The following CADPS2 variants were observed in gnomAD, a reference collection of about 807,000 sequenced individuals.
CADPS2 encodes calcium-dependent secretion activator 2.
A neutral mutation model predicts 172.5 loss-of-function variants in CADPS2; 93 were observed. The ratio of observed to expected loss-of-function variants is 0.54; its 90% CI spans 0.46 to 0.64. The LOEUF (loss-of-function observed/expected upper bound fraction) is 0.64. CADPS2 is among the 30% of genes least tolerant of loss of function. CADPS2 has a pLI of 0.00. For missense variants in CADPS2, 1,420 were observed against 1,565.9 expected, an observed-to-expected ratio of 0.91 and a Z score of 1.57; for synonymous variants, 546 against 555.2, an observed-to-expected ratio of 0.98 and a Z score of 0.23.
chr7:122,421,719 T>A (rs1345445544), intron 17 of CADPS2, among the ~76,000 whole-genome samples: 2 of 152,206 alleles, frequency 1.3e-5, no homozygotes, highest in East Asian at 3.9e-4. Context: ...CTGGTCAACA[T>A]AAAGAAGATC....
At chr7:122,681,949 A>ATAC (rs1190802932) in intron 2 of CADPS2, among the ~76,000 whole-genome samples, 2 of 151,990 alleles carry the variant, frequency 1.3e-5, no homozygotes, top group Non-Finnish European at 2.9e-5. Flanking sequence ...AAAATAATAC[A>ATAC]TACACATGGT....
chr7:122,541,541 A>G (rs1361933782), intron 8 of CADPS2, among the ~76,000 whole-genome samples: 2 of 145,186 alleles, frequency 1.4e-5, no homozygotes, highest in Non-Finnish European at 3.0e-5. Flanking sequence ...TTCTCTTATA[A>G]TTCCATTTTT....
intron 1 of CADPS2, among the ~76,000 whole-genome samples, chr7:122,806,623 GT>G (rs1798855705): frequency 6.6e-6 from 1 of 152,156 alleles, no homozygotes; most frequent in Non-Finnish European, 1.5e-5. Flanking sequence ...CATTAATGCA[GT>G]CCAGGAAATA....
At chr7:122,541,552 C>A (rs1164591186) in intron 8 of CADPS2, among the ~76,000 whole-genome samples, 1 of 142,120 alleles carries the variant, frequency 7.0e-6, no homozygotes, top group Non-Finnish European at 1.5e-5. Flanking sequence ...TTCCATTTTT[C>A]TGTAATGAAT....
At chr7:122,399,632 G>A (rs565083118) in intron 20 of CADPS2, among the ~76,000 whole-genome samples, 1 of 131,580 alleles carries the variant, frequency 7.6e-6, no homozygotes, top group South Asian at 2.7e-4. Flanking sequence ...GCTATATCAT[G>A]ATCGATAACT....
chr7:122,834,720 C>T (rs562029638), intron 1 of CADPS2, among the ~76,000 whole-genome samples: 159 of 152,284 alleles, frequency 1.0e-3, no homozygotes, highest in Non-Finnish European at 1.6e-3. Context: ...AACTGCAAGG[C>T]GGCAGCGAGG....
At chr7:122,547,580 G>A (rs1587115997) in intron 8 of CADPS2, among the ~76,000 whole-genome samples, 1 of 152,124 alleles carries the variant, frequency 6.6e-6, no homozygotes, top group Non-Finnish European at 1.5e-5. Flanking sequence ...CTAAAAATTG[G>A]GTTTAAAAAT....
At chr7:122,786,400 A>T (rs1452041977) in intron 1 of CADPS2, among the ~76,000 whole-genome samples, 1 of 152,248 alleles carries the variant, frequency 6.6e-6, no homozygotes, top group African/African-American at 2.4e-5. Context: ...TTACAGATAT[A>T]AACAAATACA....
chr7:122,764,223 G>A (rs17144817), intron 1 of CADPS2, among the ~76,000 whole-genome samples: 29,420 of 151,786 alleles, frequency 0.19, 2,971 homozygotes, highest in Middle Eastern at 0.3. Flanking sequence ...ACCCTCTTAC[G>A]TGTTCCTACA....
chr7:122,775,136 C>A (rs2093835968), intron 1 of CADPS2, among the ~76,000 whole-genome samples: 1 of 152,114 alleles, frequency 6.6e-6, no homozygotes, highest in Admixed American at 6.6e-5. Flanking sequence ...ATTCTGGGTA[C>A]ACCGTGTCTT....
At chr7:122,810,875 T>A (rs908175399) in intron 1 of CADPS2, among the ~76,000 whole-genome samples, 1 of 152,194 alleles carries the variant, frequency 6.6e-6, no homozygotes. Flanking sequence ...ATTATGGGAA[T>A]GAGCCACCAT....
At chr7:122,812,283 A>G (rs1271161185) in intron 1 of CADPS2, among the ~76,000 whole-genome samples, 1 of 152,078 alleles carries the variant, frequency 6.6e-6, no homozygotes, top group African/African-American at 2.4e-5. Context: ...GTTAGCTATA[A>G]TGTTGTAAAA....
At chr7:122,345,136 A>AT (rs1380210869) in intron 28 of CADPS2, among the ~76,000 whole-genome samples, 3 of 151,586 alleles carry the variant, frequency 2.0e-5, no homozygotes, top group East Asian at 1.9e-4. Flanking sequence ...TTATTTAGTC[A>AT]TTTTTTTGAG....
At chr7:122,506,089 C>T (rs894505731) in intron 9 of CADPS2, among the ~76,000 whole-genome samples, 1 of 152,172 alleles carries the variant, frequency 6.6e-6, no homozygotes, top group Non-Finnish European at 1.5e-5. Flanking sequence ...CACCCTGCTC[C>T]CTGTGCTCCC....
At chr7:122,529,581 C>CATTA (rs1365395375) in intron 8 of CADPS2, among the ~76,000 whole-genome samples, 1 of 151,996 alleles carries the variant, frequency 6.6e-6, no homozygotes, top group Non-Finnish European at 1.5e-5. Flanking sequence ...GAGTAACAAC[C>CATTA]ATTAAATGGA....
chr7:122,740,704 CA>C (rs1472936799), intron 1 of CADPS2, among the ~76,000 whole-genome samples: 1 of 151,434 alleles, frequency 6.6e-6, no homozygotes, highest in Non-Finnish European at 1.5e-5. Context: ...TTTTACATGG[CA>C]AAAAATACCA....
rs377198363 is a variant in CADPS2 at position 122,724,656 on chromosome 7, T to C, written c.453+12299A>G. Among the ~76,000 whole-genome samples the C allele has an allele frequency of 7.9e-5, 12 of 152,182 alleles. No homozygotes were observed. In the East Asian group the frequency reaches 2.3e-3, roughly 29 times the overall value. ...TTTTACAGATGAATAAACTCAAGTA[T>C]GGGAAGGTTACATAAACTCCGTCAG... is the stretch of plus-strand genomic sequence containing the variant. On this transcript the variant is annotated intron_variant, in intron 2 of 29. Coordinates refer to ENST00000449022, the MANE Select transcript of CADPS2 (RefSeq NM_017954.11).
chr7:122,416,961 T>C (rs1363122998), intron 17 of CADPS2, among the ~76,000 whole-genome samples: 6 of 152,176 alleles, frequency 3.9e-5, no homozygotes. Context: ...CAGTTCCCAA[T>C]AAGGACATTA....
At chr7:122,480,091 T>C (rs1403417225) in intron 12 of CADPS2, 4 of 471,482 alleles carry the variant, frequency 8.5e-6, no homozygotes, top group Non-Finnish European at 1.8e-5. Context: ...CTGGCAACTC[T>C]AGCACGTTAC....
Sources: allele counts gnomAD v4.1 joint callset (sites outside exome capture counted in the v4.1 genomes callset), GRCh38; gene constraint gnomAD v4.1.1; transcripts MANE v1.5; gene names NCBI Gene and HGNC (gene_info 2026-07-23, HGNC 2026-07-21).